SCRG1: variants seen among roughly 807,000 people sequenced by gnomAD.
The protein encoded by SCRG1 is scrapie-responsive protein 1.
Under a neutral mutation model 7.7 loss-of-function variants are expected in SCRG1, and 3 were observed. The ratio of observed to expected loss-of-function variants is 0.39; its 90% CI spans 0.18 to 1.01. The LOEUF (loss-of-function observed/expected upper bound fraction) is 1.01. Ranked by LOEUF, SCRG1 falls within the 50% of genes least tolerant of loss-of-function variation. The pLI, the probability that SCRG1 is intolerant of heterozygous loss-of-function variation, is 0.36. For synonymous variants in SCRG1, 46 were observed against 41.2 expected (o/e 1.12, Z -0.44); for missense variants, 110 against 117.2 (o/e 0.94, Z 0.28).
chr4:173,461,199 G>T, the SCRG1 span, among the ~76,000 whole-genome samples: 15 of 152,240 alleles, frequency 9.9e-5, no homozygotes, highest in Admixed American at 9.2e-4. Context: ...CCTGCAGATT[G>T]CAGAGCCCCA....
chr4:173,432,979 C>T, the SCRG1 span, among the ~76,000 whole-genome samples: 1 of 152,250 alleles, frequency 6.6e-6, no homozygotes, highest in South Asian at 2.1e-4. Flanking sequence ...TGGTAAAGGG[C>T]AGAGGAGGAT....
the SCRG1 span, among the ~76,000 whole-genome samples, chr4:173,434,629 G>A: frequency 1.1e-4 from 16 of 152,146 alleles, no homozygotes; most frequent in Admixed American, 6.5e-4. Flanking sequence ...TCAGGAGTTC[G>A]ATACCATCCT....
At chr4:173,443,985 GTGT>G in the SCRG1 span, among the ~76,000 whole-genome samples, 1 of 133,498 alleles carries the variant, frequency 7.5e-6, no homozygotes, top group African/African-American at 2.6e-5. Context: ...GTGTGTGTGT[GTGT>G]TTGAGATGGA....
upstream of SCRG1, chr4:173,406,458 GTCCAACC>G (rs1301615071): frequency 6.6e-6 from 1 of 152,152 alleles, no homozygotes; most frequent in Non-Finnish European, 1.5e-5. Context: ...TCCTGGGATT[GTCCAACC>G]TCCTAAATAA....
chr4:173,494,758 A>C, the SCRG1 span, among the ~76,000 whole-genome samples: 3 of 152,248 alleles, frequency 2.0e-5, no homozygotes, highest in Admixed American at 1.3e-4. Context: ...GGAATCAAGA[A>C]ATCCAGAAAC....
the SCRG1 span, chr4:173,467,799 A>G: frequency 6.6e-6 from 1 of 152,244 alleles, no homozygotes; most frequent in East Asian, 1.9e-4. Flanking sequence ...AAGCTTTGGG[A>G]TTAGTAGAGG....
the SCRG1 span, among the ~76,000 whole-genome samples, chr4:173,483,843 A>ATG: frequency 1.9e-3 from 34 of 18,026 alleles, 4 homozygotes; most frequent in East Asian, 3.4e-3. Context: ...TATATAATAT[A>ATG]TAATATATAT....
chr4:173,491,259 G>T, the SCRG1 span, among the ~76,000 whole-genome samples: 1 of 143,394 alleles, frequency 7.0e-6, no homozygotes, highest in Non-Finnish European at 1.5e-5. Context: ...AGTCCATCCT[G>T]GTTTCCTGTG....
chr4:173,391,507 T>C (rs1739444942), intron 1 of SCRG1, 79 bp from the exon 2 acceptor site: 2 of 1,433,828 alleles, frequency 1.4e-6, no homozygotes, highest in East Asian at 2.3e-5. Flanking sequence ...TTCTGTAGCA[T>C]GCTTATAAAC....
the SCRG1 span, among the ~76,000 whole-genome samples, chr4:173,475,856 A>C: frequency 6.6e-6 from 1 of 152,154 alleles, no homozygotes; most frequent in Non-Finnish European, 1.5e-5. Context: ...ACAAATATGT[A>C]ACTCCACTTA....
At chr4:173,476,363 A>AAAAAAAAAAAAAAATATATATAT in the SCRG1 span, among the ~76,000 whole-genome samples, 1 of 98,508 alleles carries the variant, frequency 1.0e-5, no homozygotes, top group Admixed American at 1.2e-4. Flanking sequence ...GGAAAAAAAA[A>AAAAAAAAAAAAAAATATATATAT]ATATATATAT....
At chr4:173,479,314 T>C in the SCRG1 span, among the ~76,000 whole-genome samples, 1 of 152,198 alleles carries the variant, frequency 6.6e-6, no homozygotes, top group Non-Finnish European at 1.5e-5. Flanking sequence ...AAAGGTTTAT[T>C]GTAGACACTG....
chr4:173,498,451 C>T, the SCRG1 span, among the ~76,000 whole-genome samples: 1 of 152,200 alleles, frequency 6.6e-6, no homozygotes, highest in South Asian at 2.1e-4. Flanking sequence ...GGCCACATCT[C>T]TGTGACCTGA....
chr4:173,507,040 C>T, the SCRG1 span, among the ~76,000 whole-genome samples: 7 of 152,340 alleles, frequency 4.6e-5, no homozygotes, highest in East Asian at 1.3e-3. This position sits in a 1 kb window ranked among gnomAD's most constrained non-coding sequence, Gnocchi z 4.4. Flanking sequence ...TGCGCTGCGG[C>T]GGCCAGAGGA....
the SCRG1 span, among the ~76,000 whole-genome samples, chr4:173,415,717 C>T: frequency 2.0e-5 from 3 of 152,134 alleles, no homozygotes; most frequent in African/African-American, 7.2e-5. Flanking sequence ...AATAGCGTGC[C>T]CAAGTTACTT....
the SCRG1 span, among the ~76,000 whole-genome samples, chr4:173,424,525 A>G: frequency 1.3e-5 from 2 of 152,250 alleles, no homozygotes; most frequent in East Asian, 1.9e-4. Context: ...TGACTGGCAC[A>G]GATCATTGCT....
the SCRG1 span, among the ~76,000 whole-genome samples, chr4:173,450,609 G>T: frequency 1.3e-5 from 2 of 152,126 alleles, no homozygotes; most frequent in Non-Finnish European, 2.9e-5. Context: ...GATTATGAAG[G>T]CTATTAAAAG....
the SCRG1 span, among the ~76,000 whole-genome samples, chr4:173,486,645 T>TTTC: frequency 2.6e-5 from 4 of 152,088 alleles, no homozygotes; most frequent in Non-Finnish European, 4.4e-5. Context: ...TCCTTTTTCT[T>TTTC]TTCTTCTTCT....
At chr4:173,494,181 C>A in the SCRG1 span, among the ~76,000 whole-genome samples, 3 of 152,110 alleles carry the variant, frequency 2.0e-5, 1 homozygote, top group African/African-American at 7.2e-5. Flanking sequence ...TACGTGCACA[C>A]CCAGGCGCGA....
Sources: gnomAD v4.1 joint callset for allele counts (sites outside exome capture counted in the v4.1 genomes callset) on GRCh38, gnomAD v4.1.1 for gene constraint, Gnocchi (gnomAD v3.1) non-coding constraint, MANE v1.5 for transcripts, NCBI Gene and HGNC (gene_info 2026-07-23, HGNC 2026-07-21) for gene names.